SLC39A11: variants seen among roughly 807,000 people sequenced by gnomAD.
SLC39A11 encodes zinc transporter ZIP11.
In SLC39A11, 33 loss-of-function variants were observed where a neutral mutation model predicts 36.1. The ratio of observed to expected loss-of-function variants is 0.91; its 90% CI spans 0.69 to 1.22. The LOEUF (loss-of-function observed/expected upper bound fraction) is 1.22. SLC39A11 is among the 50% of genes most tolerant of loss of function. The pLI, the probability that SLC39A11 is intolerant of heterozygous loss-of-function variation, is 0.00. For synonymous variants in SLC39A11, 166 were observed against 170.3 expected, an observed-to-expected ratio of 0.97 and a Z score of 0.20; for missense variants, 432 against 430.3, an observed-to-expected ratio of 1.00 and a Z score of -0.03.
At chr17:72,881,230 G>C (rs1278772763) in intron 5 of SLC39A11, among the ~76,000 whole-genome samples, 2 of 152,128 alleles carry the variant, frequency 1.3e-5, no homozygotes, top group Admixed American at 6.5e-5. Context: ...AGCTTTATTT[G>C]TAATAGCCTC....
chr17:72,776,851 A>G (rs1005668908), intron 6 of SLC39A11, among the ~76,000 whole-genome samples: 1 of 152,182 alleles, frequency 6.6e-6, no homozygotes, highest in African/African-American at 2.4e-5. Context: ...GTCCACAGTA[A>G]ATCGAATCCC....
chr17:73,039,749 T>C (rs2059048157), intron 3 of SLC39A11, among the ~76,000 whole-genome samples: 1 of 152,224 alleles, frequency 6.6e-6, no homozygotes. Context: ...GATAATCTAC[T>C]GAAGTCTACT....
chr17:72,740,172 C>T (rs2074623060), intron 6 of SLC39A11, among the ~76,000 whole-genome samples: 1 of 144,902 alleles, frequency 6.9e-6, no homozygotes, highest in South Asian at 2.2e-4. Context: ...ACACCATTCT[C>T]CTGCCTCAGC....
chr17:72,804,485 A>C (rs1014924098), intron 6 of SLC39A11, among the ~76,000 whole-genome samples: 6 of 152,238 alleles, frequency 3.9e-5, no homozygotes, highest in African/African-American at 1.4e-4. Flanking sequence ...TTACAAAGAT[A>C]CCTAAGCAAT....
chr17:72,835,201 T>C (rs887535224), intron 6 of SLC39A11, among the ~76,000 whole-genome samples: 1 of 152,180 alleles, frequency 6.6e-6, no homozygotes, highest in Non-Finnish European at 1.5e-5. Flanking sequence ...ACTGAGATAC[T>C]GATAATTAAA....
chr17:73,020,122 G>A (rs1374387911), intron 4 of SLC39A11, among the ~76,000 whole-genome samples: 2 of 152,204 alleles, frequency 1.3e-5, no homozygotes, highest in African/African-American at 4.8e-5. Flanking sequence ...AGCCCTTTAT[G>A]TACTGAAGAT....
intron 5 of SLC39A11, among the ~76,000 whole-genome samples, chr17:72,881,777 T>C (rs1370678638): frequency 6.6e-6 from 1 of 152,244 alleles, no homozygotes; most frequent in Admixed American, 6.5e-5. Flanking sequence ...TTATAAAATC[T>C]GCTGTAGCAT....
chr17:72,698,459 CAA>C (rs61454778), intron 7 of SLC39A11, among the ~76,000 whole-genome samples: 2,646 of 92,938 alleles, frequency 0.028, 51 homozygotes, highest in Middle Eastern at 0.063. Flanking sequence ...TAATAAAAAC[CAA>C]AAAAAAAAAA....
chr17:73,060,789 A>G (rs2059817939), intron 3 of SLC39A11, among the ~76,000 whole-genome samples: 1 of 152,120 alleles, frequency 6.6e-6, no homozygotes, highest in African/African-American at 2.4e-5. Context: ...TAGAAATTTG[A>G]TACGTGATCA....
At chr17:72,882,781 G>A (rs924401853) in intron 5 of SLC39A11, among the ~76,000 whole-genome samples, 32 of 106,734 alleles carry the variant, frequency 3.0e-4, no homozygotes, top group Non-Finnish European at 5.6e-4. Flanking sequence ...ACCTGCTTGA[G>A]GGAGAGAGAA....
intron 5 of SLC39A11, among the ~76,000 whole-genome samples, chr17:72,929,293 G>A (rs2084241875): frequency 6.6e-6 from 1 of 152,148 alleles, no homozygotes; most frequent in Non-Finnish European, 1.5e-5. Context: ...AGGCACTTAG[G>A]GGCTGCGGAC....
At chr17:73,003,540 G>C (rs1336342175) in intron 4 of SLC39A11, among the ~76,000 whole-genome samples, 1 of 152,158 alleles carries the variant, frequency 6.6e-6, no homozygotes, top group African/African-American at 2.4e-5. Flanking sequence ...CTGTTTCAGA[G>C]AGCAGGCAGA....
intron 4 of SLC39A11, among the ~76,000 whole-genome samples, chr17:72,973,399 G>C (rs1681732464): frequency 6.6e-6 from 1 of 151,896 alleles, no homozygotes; most frequent in Non-Finnish European, 1.5e-5. Context: ...GAGAAGGAAG[G>C]GCAAGTAGAA....
chr17:72,890,447 T>G, intron 5 of SLC39A11, among the ~76,000 whole-genome samples: 1 of 152,098 alleles, frequency 6.6e-6, no homozygotes, highest in East Asian at 1.9e-4. Flanking sequence ...TAAGTGGATT[T>G]GGGGGATTAG....
rs17827723 is a variant in SLC39A11, at chr17:72,703,347, G to C, written c.671+33303C>G. On this transcript the variant is annotated intron_variant, in intron 7 of 9. Transcript: ENST00000255559. ...GCAGAAATTTTTATAGCCAAGTAAT[G>C]ATATGCAAAGCTGATGGCCTTTTAA... Among the ~76,000 whole-genome samples, 1,033 of 152,318 alleles carry C rather than the reference G, an allele frequency of 6.8e-3. 44 individuals carry two copies. The East Asian group carries it at 0.11, about 16-fold the overall frequency.
intron 4 of SLC39A11, among the ~76,000 whole-genome samples, chr17:73,026,531 A>AAAAAAG (rs1200274458): frequency 7.3e-5 from 11 of 150,422 alleles, no homozygotes; most frequent in African/African-American, 2.7e-4. Context: ...AAAAAAAAAA[A>AAAAAAG]AAAGAAAGAA....
chr17:72,765,040 C>A (rs576319793), intron 6 of SLC39A11, among the ~76,000 whole-genome samples: 2 of 152,256 alleles, frequency 1.3e-5, no homozygotes, highest in African/African-American at 2.4e-5. Flanking sequence ...GCTCTTCCCC[C>A]AAACTAAACT....
chr17:72,705,007 G>A (rs760190660), intron 7 of SLC39A11, among the ~76,000 whole-genome samples: 2 of 152,188 alleles, frequency 1.3e-5, no homozygotes, highest in Non-Finnish European at 2.9e-5. Flanking sequence ...TGCCTATGCT[G>A]AAGAGAGCAG....
chr17:72,961,438 C>A (rs1019723562), intron 4 of SLC39A11, among the ~76,000 whole-genome samples: 5 of 152,086 alleles, frequency 3.3e-5, no homozygotes, highest in Non-Finnish European at 7.4e-5. Context: ...CACATGCACA[C>A]GTATGTTTAT....
Sources: allele counts gnomAD v4.1 joint callset (sites outside exome capture counted in the v4.1 genomes callset), GRCh38; gene constraint gnomAD v4.1.1; transcripts MANE v1.5; gene names NCBI Gene and HGNC (gene_info 2026-07-23, HGNC 2026-07-21).